DPY19L1: variants seen among roughly 807,000 people sequenced by gnomAD.
DPY19L1 encodes the protein dpy-19 like C-mannosyltransferase 1.
Under a neutral mutation model 96.9 loss-of-function variants are expected in DPY19L1, and 35 were observed. That is an observed-to-expected ratio of 0.36 (90% confidence interval 0.28 to 0.48). The LOEUF (loss-of-function observed/expected upper bound fraction) is 0.48. Ranked by LOEUF, DPY19L1 falls within the 20% of genes least tolerant of loss-of-function variation. DPY19L1 has a pLI of 0.99. For synonymous variants in DPY19L1, 205 were observed against 252.6 expected (o/e 0.81, Z 1.79); for missense variants, 521 against 777.9 (o/e 0.67, Z 3.93).
At chr7:34,934,799 C>T (rs1472881715) in intron 21 of DPY19L1, among the ~76,000 whole-genome samples, 4 of 152,188 alleles carry the variant, frequency 2.6e-5, no homozygotes, top group Non-Finnish European at 5.9e-5. Flanking sequence ...AGAGCTCAGG[C>T]TGTAATGCTT....
chr7:35,027,306 C>T (rs777531854), intron 1 of DPY19L1, among the ~76,000 whole-genome samples: 5 of 152,158 alleles, frequency 3.3e-5, no homozygotes, highest in Non-Finnish European at 4.4e-5. Context: ...ATCACTAACA[C>T]GCTGGGCTTT....
At chr7:35,004,534 T>C (rs1380097175) in intron 6 of DPY19L1, among the ~76,000 whole-genome samples, 1 of 152,236 alleles carries the variant, frequency 6.6e-6, no homozygotes, top group Non-Finnish European at 1.5e-5. Flanking sequence ...AAAGCTCTGA[T>C]AATTTATTTA....
intron 11 of DPY19L1, among the ~76,000 whole-genome samples, chr7:34,956,027 C>G (rs1451396813): frequency 7.2e-5 from 11 of 151,894 alleles, no homozygotes; most frequent in Non-Finnish European, 2.9e-5. Context: ...TGCTGTATTC[C>G]CTGTTATCAT....
chr7:35,037,937 CG>C, upstream of DPY19L1: 1 of 1,223,508 alleles, frequency 8.2e-7, no homozygotes, highest in Non-Finnish European at 1.0e-6. Context: ...CTCTCGGGAT[CG>C]GGGCGCTGAT....
At chr7:34,955,911 G>A (rs1473558050) in intron 11 of DPY19L1, among the ~76,000 whole-genome samples, 1 of 152,062 alleles carries the variant, frequency 6.6e-6, no homozygotes, top group Admixed American at 6.6e-5. Flanking sequence ...AAATCTTTTT[G>A]GAAGTTTCTA....
At chr7:35,008,288 T>A (rs1234169385) in intron 6 of DPY19L1, among the ~76,000 whole-genome samples, 6 of 152,110 alleles carry the variant, frequency 3.9e-5, no homozygotes, top group African/African-American at 1.4e-4. Context: ...AGAAACTACT[T>A]GGTATGAATA....
chr7:34,943,262 G>A (rs1232888999), intron 16 of DPY19L1, among the ~76,000 whole-genome samples: 1 of 152,224 alleles, frequency 6.6e-6, no homozygotes, highest in South Asian at 2.1e-4. Flanking sequence ...TAAGGGGCTA[G>A]TGAAGGAGAT....
At chr7:34,959,806 A>G (rs1232299152) in intron 10 of DPY19L1, among the ~76,000 whole-genome samples, 2 of 151,038 alleles carry the variant, frequency 1.3e-5, no homozygotes, top group South Asian at 4.2e-4. Context: ...TGACACGTGT[A>G]TACCTATGTA....
At chr7:34,957,892 C>G in intron 11 of DPY19L1, 92 bp downstream of exon 11, 1 of 778,170 alleles carries the variant, frequency 1.3e-6, no homozygotes, top group Non-Finnish European at 2.1e-6. Flanking sequence ...ATGGTTCCTA[C>G]AGAAAACCCT....
Position 35,028,895 on chromosome 7 carries a change from TCATGGCACTGGTGGATATGTCTTTTAG to T in DPY19L1, c.298+8175_298+8201del, listed in dbSNP as rs527520490. 5.9e-5 allele frequency among the ~76,000 whole-genome samples: 9 copies of T among 152,342 alleles called. No homozygotes were observed. The South Asian group carries it at 1.2e-3, about 21-fold the overall frequency. ...ACATTGCCATGGCATTTGTAAACTG[TCATGGCACTGGTGGATATGTCTTTTAG>T]CATGCTAATGTATTACAGTTAGTGT... On this transcript the variant is annotated intron_variant, in intron 1 of 21. Coordinates refer to ENST00000638088, the MANE Select transcript of DPY19L1 (RefSeq NM_001366673.1).
chr7:34,983,879 A>T (rs1277308784), intron 7 of DPY19L1, among the ~76,000 whole-genome samples: 3 of 152,226 alleles, frequency 2.0e-5, no homozygotes, highest in Non-Finnish European at 4.4e-5. Context: ...AAAAGTGTTC[A>T]ATGAACAAAG....
chr7:34,934,828 T>A (rs2128779936), intron 21 of DPY19L1, among the ~76,000 whole-genome samples: 1 of 152,340 alleles, frequency 6.6e-6, no homozygotes, highest in East Asian at 1.9e-4. Context: ...TCCGCTCACC[T>A]CCTGCTGTGA....
rs13309562 is a variant in DPY19L1, at chr7:34,962,344, C to G, written c.1093-4274G>C. 6.2e-3 allele frequency among the ~76,000 whole-genome samples: 942 copies of G among 152,142 alleles called. 6 individuals are homozygous for G. The highest frequency in any genetic ancestry group is 0.021 in the African/African-American group (881 of 41,478). On this transcript the variant is annotated intron_variant, in intron 10 of 21. Coordinates refer to ENST00000638088, the MANE Select transcript of DPY19L1 (RefSeq NM_001366673.1). ...TTTTACTAAGTGAAAGAAGCCAATACGAAAAGGCTACATACTGTATGGTTC... is the reference window on the plus strand; with the variant it reads ...TTTTACTAAGTGAAAGAAGCCAATAGGAAAAGGCTACATACTGTATGGTTC...
At chr7:35,023,955 C>A (rs1459753846) in intron 1 of DPY19L1, among the ~76,000 whole-genome samples, 1 of 150,838 alleles carries the variant, frequency 6.6e-6, no homozygotes, top group Non-Finnish European at 1.5e-5. Flanking sequence ...CCTGCCTCAG[C>A]CTCCTGAGTA....
At chr7:34,968,542 G>A (rs1293564846) in intron 9 of DPY19L1, among the ~76,000 whole-genome samples, 3 of 151,970 alleles carry the variant, frequency 2.0e-5, no homozygotes, top group East Asian at 1.9e-4. Flanking sequence ...AGGCCAAAGC[G>A]GGTGGATCAC....
At chr7:34,937,682 C>T (rs1448006964) in intron 21 of DPY19L1, among the ~76,000 whole-genome samples, 6 of 152,036 alleles carry the variant, frequency 3.9e-5, no homozygotes, top group African/African-American at 1.4e-4. Context: ...GCCTGTACTC[C>T]CAGCACTTTG....
chr7:34,961,607 G>C (rs1287021964), intron 10 of DPY19L1, among the ~76,000 whole-genome samples: 1 of 152,048 alleles, frequency 6.6e-6, no homozygotes, highest in Non-Finnish European at 1.5e-5. Context: ...TTAGATAAAA[G>C]AACAAAGGTA....
chr7:35,008,444 T>A (rs1167661613), intron 6 of DPY19L1, among the ~76,000 whole-genome samples: 2 of 152,230 alleles, frequency 1.3e-5, no homozygotes, highest in African/African-American at 4.8e-5. Flanking sequence ...CTTCAGTAGA[T>A]GTTGTGCCTT....
intron 6 of DPY19L1, among the ~76,000 whole-genome samples, chr7:34,992,446 T>G (rs1257564008): frequency 6.6e-6 from 1 of 152,166 alleles, no homozygotes; most frequent in African/African-American, 2.4e-5. Context: ...TGGTTACAAC[T>G]TCCGTTCTCA....
Sources: gnomAD v4.1 joint callset for allele counts (sites outside exome capture counted in the v4.1 genomes callset) on GRCh38, gnomAD v4.1.1 for gene constraint, MANE v1.5 for transcripts, NCBI Gene and HGNC (gene_info 2026-07-23, HGNC 2026-07-21) for gene names.